C7orf33: variants seen among roughly 807,000 people sequenced by gnomAD.
The protein encoded by C7orf33 is uncharacterized protein C7orf33.
A neutral mutation model predicts 13.4 loss-of-function variants in C7orf33; 15 were observed. The ratio of observed to expected loss-of-function variants is 1.12; its 90% CI spans 0.75 to 1.72. C7orf33 has a LOEUF of 1.72. C7orf33 is among the 40% of genes most tolerant of loss of function. The pLI is 0.00. For synonymous variants in C7orf33, 73 were observed against 83.2 expected (o/e 0.88, Z 0.67); for missense variants, 187 against 220.3 (o/e 0.85, Z 0.96).
chr7:148,600,875 T>G (rs1796405721), intron 1 of C7orf33, among the ~76,000 whole-genome samples: 1 of 146,160 alleles, frequency 6.8e-6, no homozygotes, highest in South Asian at 2.3e-4. Flanking sequence ...TGATCTCGGC[T>G]CACTGCAACC....
chr7:148,598,433 C>G (rs900470808), intron 1 of C7orf33, among the ~76,000 whole-genome samples: 10 of 151,968 alleles, frequency 6.6e-5, no homozygotes, highest in Non-Finnish European at 8.8e-5. Context: ...TTCTCTGGGA[C>G]AGTGCTACTC....
chr7:148,595,297 A>AT (rs1796316594), intron 1 of C7orf33, among the ~76,000 whole-genome samples: 2 of 141,608 alleles, frequency 1.4e-5, no homozygotes. Flanking sequence ...TATATATTAT[A>AT]TAGATATATA....
In C7orf33 at chr7:148,612,948, A is replaced by G. The variant is rs1585467310; in HGVS notation, c.205-1094A>G. Among the ~76,000 whole-genome samples, 7 of 152,232 alleles carry G rather than the reference A, an allele frequency of 4.6e-5. No homozygotes were observed. The South Asian group carries it at 1.5e-3, about 32-fold the overall frequency. On this transcript the variant is annotated intron_variant, in intron 1 of 2. Transcript: ENST00000307003. ...AATGTGTAATGATCAAATCAGGGTA[A>G]TCAGTATATCATCACCTAAAATATT...
chr7:148,595,680 TA>T (rs1563120468), intron 1 of C7orf33, among the ~76,000 whole-genome samples: 1 of 88,626 alleles, frequency 1.1e-5, no homozygotes, highest in African/African-American at 7.9e-5. Flanking sequence ...AGATATAATA[TA>T]GATCTATATT....
intron 1 of C7orf33, among the ~76,000 whole-genome samples, chr7:148,613,358 C>T (rs1001310141): frequency 6.6e-6 from 1 of 152,188 alleles, no homozygotes; most frequent in Non-Finnish European, 1.5e-5. Context: ...AAGCTCTGTA[C>T]ACAAATAACG....
At chr7:148,609,825 T>C (rs932723046) in intron 1 of C7orf33, among the ~76,000 whole-genome samples, 1 of 152,210 alleles carries the variant, frequency 6.6e-6, no homozygotes, top group African/African-American at 2.4e-5. Flanking sequence ...GTCAGGCCTC[T>C]GTTACAGGAA....
intron 1 of C7orf33, among the ~76,000 whole-genome samples, chr7:148,607,731 T>C (rs55683558): frequency 0.32 from 49,397 of 152,098 alleles, 11,288 homozygotes; most frequent in African/African-American, 0.66. Flanking sequence ...CACTTAGGAA[T>C]CACCAACAAA....
chr7:148,607,615 C>T (rs1796488891), intron 1 of C7orf33, among the ~76,000 whole-genome samples: 1 of 152,116 alleles, frequency 6.6e-6, no homozygotes, highest in East Asian at 1.9e-4. Flanking sequence ...TAAATGCTTC[C>T]TATCTGACTG....
At position 148,615,409 on chromosome 7, in the gene C7orf33, G is replaced by T. The variant is rs748244170; in HGVS notation, c.*8G>T. ...AGAACTGACAGCAGTTAAGAATTTT[G>T]CAGAATCTAAGAGTCACATCTCTAA... On this transcript the variant is annotated 3_prime_UTR_variant, in exon 3 of 3. Coordinates refer to ENST00000307003, the MANE Select transcript of C7orf33 (RefSeq NM_145304.4). 6.3e-7 allele frequency: 1 copy of T among 1,594,944 alleles called. No individual in the cohort carries two copies. Among genetic ancestry groups the T allele is most frequent in the South Asian group, 1.1e-5 (1 of 90,676 alleles).
chr7:148,604,850 CT>C (rs1010629789), intron 1 of C7orf33, among the ~76,000 whole-genome samples: 8 of 152,272 alleles, frequency 5.3e-5, no homozygotes, highest in African/African-American at 1.9e-4. Context: ...CAGAGAAAAA[CT>C]ATATAGCACA....
chr7:148,610,636 C>T (rs59716789), intron 1 of C7orf33, among the ~76,000 whole-genome samples: 2,506 of 152,086 alleles, frequency 0.016, 78 homozygotes, highest in African/African-American at 0.057. Flanking sequence ...ATACAACTTC[C>T]GAGGAGGGAG....
rs1039258976 is a variant in C7orf33, at chr7:148,591,080, G to A, written c.155G>A (p.Arg52Lys). 1.4e-5 allele frequency: 22 copies of A among 1,613,966 alleles called. No homozygotes were observed. Among genetic ancestry groups the A allele is most frequent in the Non-Finnish European group, 1.9e-5 (22 of 1,179,982 alleles). The change falls in exon 1 of 3, where the codon AGG (arginine) becomes AAG (lysine). Residue 52 changes from arginine to lysine, a missense_variant. Physicochemically the swap from Arg to Lys is conservative, Grantham distance 26 (BLOSUM62 2). Coordinates refer to ENST00000307003, the MANE Select transcript of C7orf33 (RefSeq NM_145304.4). ...GCAGTCGCTGTTTGGGTCCACGTTA[G>A]GGGCGGTCCAGGTCAATTTAACTTG... The part of the protein sequence containing the change: ...GRAVAVWVHV[R>K]GGPGQFNLSY...
At chr7:148,604,009 G>T (rs1796445262) in intron 1 of C7orf33, among the ~76,000 whole-genome samples, 1 of 151,814 alleles carries the variant, frequency 6.6e-6, no homozygotes, top group South Asian at 2.1e-4. Flanking sequence ...GCCCATCAAT[G>T]ATTTGATAAA....
chr7:148,596,285 A>G (rs1796337818), intron 1 of C7orf33, among the ~76,000 whole-genome samples: 1 of 152,148 alleles, frequency 6.6e-6, no homozygotes, highest in African/African-American at 2.4e-5. Context: ...TTTACAACTG[A>G]TGAACCAACA....
chr7:148,598,753 TATATATATATAGAGAGAGAGAG>T (rs1296823054), intron 1 of C7orf33, among the ~76,000 whole-genome samples: 99 of 62,492 alleles, frequency 1.6e-3, no homozygotes, highest in African/African-American at 5.7e-3. Flanking sequence ...TATATATATA[TATATATATATAGAGAGAGAGAG>T]AGAGAGAGAG....
At chr7:148,611,084 A>G (rs1410765656) in intron 1 of C7orf33, among the ~76,000 whole-genome samples, 3 of 152,072 alleles carry the variant, frequency 2.0e-5, no homozygotes, top group Non-Finnish European at 2.9e-5. Context: ...TCCTTGCCAG[A>G]CTGTAGGTGG....
intron 2 of C7orf33, 102 bp downstream of exon 2, chr7:148,614,398 C>A: frequency 7.9e-7 from 1 of 1,268,534 alleles, no homozygotes; most frequent in South Asian, 1.4e-5. Context: ...TGCATTCTTG[C>A]ATGCCTGGAT....
intron 1 of C7orf33, among the ~76,000 whole-genome samples, chr7:148,596,757 A>C (rs548082563): frequency 9.2e-5 from 14 of 152,176 alleles, no homozygotes; most frequent in African/African-American, 3.4e-4. Context: ...AAACCATATC[A>C]ACTGCCCTAA....
chr7:148,597,170 A>G (rs1243103964), intron 1 of C7orf33, among the ~76,000 whole-genome samples: 2 of 151,490 alleles, frequency 1.3e-5, no homozygotes, highest in African/African-American at 4.8e-5. Flanking sequence ...ACTCATTTGG[A>G]TACATATATA....
Sources: gnomAD v4.1 joint callset for allele counts (sites outside exome capture counted in the v4.1 genomes callset) on GRCh38, gnomAD v4.1.1 for gene constraint, MANE v1.5 for transcripts, NCBI Gene and HGNC (gene_info 2026-07-23, HGNC 2026-07-21) for gene names.